SFSWAP: variants seen among roughly 807,000 people sequenced by gnomAD.
SFSWAP encodes splicing factor, suppressor of white-apricot homolog.
Under a neutral mutation model 100.7 loss-of-function variants are expected in SFSWAP, and 17 were observed. The observed-to-expected ratio is 0.17, with a 90% CI of 0.12 to 0.25. SFSWAP has a LOEUF of 0.25. Ranked by LOEUF, SFSWAP falls within the 10% of genes least tolerant of loss-of-function variation. The pLI is 1.00. For synonymous variants in SFSWAP, 504 were observed against 510.1 expected (o/e 0.99, Z 0.16); for missense variants, 1,005 against 1,262.6 (o/e 0.80, Z 3.09).
At chr12:131,732,152 C>T (rs1003184935) in intron 7 of SFSWAP, among the ~76,000 whole-genome samples, 7 of 152,020 alleles carry the variant, frequency 4.6e-5, no homozygotes, top group South Asian at 2.1e-4. Context: ...TCAGGTGATC[C>T]GCCCACCTCA....
chr12:131,795,625 C>A (rs936027124), intron 15 of SFSWAP, among the ~76,000 whole-genome samples: 17 of 151,938 alleles, frequency 1.1e-4, no homozygotes, highest in African/African-American at 4.1e-4. Flanking sequence ...AGTCCGGAGG[C>A]CCTGATGAGG....
intron 11 of SFSWAP, among the ~76,000 whole-genome samples, chr12:131,761,198 T>C (rs902868097): frequency 6.6e-6 from 1 of 152,240 alleles, no homozygotes; most frequent in African/African-American, 2.4e-5. Flanking sequence ...GGAATTGCAA[T>C]TGATCTATTT....
intron 7 of SFSWAP, among the ~76,000 whole-genome samples, chr12:131,746,843 G>A (rs940695686): frequency 1.3e-5 from 2 of 152,176 alleles, no homozygotes; most frequent in Non-Finnish European, 2.9e-5. Flanking sequence ...GCTGGCTCAC[G>A]CCTATAATCC....
chr12:131,726,190 A>T (rs866016757), intron 5 of SFSWAP, among the ~76,000 whole-genome samples: 2 of 146,950 alleles, frequency 1.4e-5, no homozygotes, highest in African/African-American at 4.9e-5. Flanking sequence ...ACACACACAC[A>T]TCTTCCATTG....
rs1271965333 is a variant in SFSWAP at position 131,786,535 on chromosome 12, T to G, written c.2481T>G (p.Thr827=). 6.3e-7 allele frequency: 1 copy of G among 1,587,492 alleles called. No homozygotes were observed. Among genetic ancestry groups the G allele is most frequent in the Non-Finnish European group, 8.6e-7 (1 of 1,167,990 alleles). The change falls in exon 15 of 18, where the codon ACT becomes ACG. Residue 827 remains threonine (T), a synonymous_variant. Coordinates refer to ENST00000261674, the MANE Select transcript of SFSWAP (RefSeq NM_004592.4). ...GGAGGGAAGAGAGGAGTGTGCCCAC[T>G]GCCTACCGCGTGAGCCGCAGCCCTG... ...ERRREERSVP[T]AYRVSRSPGA...
At chr12:131,785,257 T>A (rs763060620) in intron 14 of SFSWAP, 17 of 1,520,002 alleles carry the variant, frequency 1.1e-5, no homozygotes, top group Non-Finnish European at 1.5e-5. Context: ...CTTTATCATC[T>A]GTTCTGTAAA....
chr12:131,754,525 G>A (rs1449389209), intron 9 of SFSWAP, 26 bp downstream of exon 9: 4 of 1,458,536 alleles, frequency 2.7e-6, no homozygotes, highest in African/African-American at 1.4e-5. Flanking sequence ...TTATATGTTA[G>A]GTATATGGCA....
Position 131,740,966 on chromosome 12 carries a change from C to CTTTTTTTTTTTTTTTTTTTTTT in SFSWAP, c.1082-12154_1082-12133dup, listed in dbSNP as rs60047663. 5.3e-4 allele frequency among the ~76,000 whole-genome samples: 37 copies of CTTTTTTTTTTTTTTTTTTTTTT among 70,144 alleles called. 1 individual carries two copies. Among genetic ancestry groups the CTTTTTTTTTTTTTTTTTTTTTT allele is most frequent in the East Asian group, 1.0e-3 (2 of 1,970 alleles). The allele number at this position is 70,144 out of a possible 152,430, so 46.0% of individuals were successfully genotyped here. On this transcript the variant is annotated intron_variant, in intron 7 of 17. Coordinates refer to ENST00000261674, the MANE Select transcript of SFSWAP (RefSeq NM_004592.4). ...TCATTTCTTTTTTTTTCTTTTTTTTCTTTTTTTTTTTTTTTTTTTTTTTTG... is the reference window on the plus strand; with the variant it reads ...TCATTTCTTTTTTTTTCTTTTTTTTCTTTTTTTTTTTTTTTTTTTTTTTTTTTTTTTTTTTTTTTTTTTTTTG...
chr12:131,771,756 G>A (rs1328552566), intron 13 of SFSWAP, among the ~76,000 whole-genome samples: 1 of 149,770 alleles, frequency 6.7e-6, no homozygotes, highest in Non-Finnish European at 1.5e-5. Flanking sequence ...TCTGCCTCCC[G>A]GGTTCAAGTG....
intron 7 of SFSWAP, 139 bp downstream of exon 7, chr12:131,728,567 C>T: frequency 1.1e-6 from 1 of 907,372 alleles, no homozygotes; most frequent in South Asian, 1.8e-5. Flanking sequence ...GCACATGGTC[C>T]CAAGGGAGAG....
At chr12:131,720,437 G>T (rs1395424198) in intron 4 of SFSWAP, among the ~76,000 whole-genome samples, 2 of 152,202 alleles carry the variant, frequency 1.3e-5, no homozygotes, top group African/African-American at 4.8e-5. Context: ...TTACTGGGAA[G>T]GTTGAAAATC....
In SFSWAP at chr12:131,711,092, T is replaced by G; in HGVS notation, c.-138T>G. ...CTGCCGGAAGCTGCCCCTCCACCAT[T>G]TTGTGGCCCGCTATGGCGGCGGTGT... On this transcript the variant is annotated 5_prime_UTR_variant, in exon 1 of 18. In the 5' UTR this introduces an upstream ATG that the reference lacks. Transcript: ENST00000261674. This position sits in a 1 kb window ranked among gnomAD's most constrained non-coding sequence, Gnocchi z 4.9. 1.2e-5 allele frequency: 8 copies of G among 688,826 alleles called. No individual in the cohort carries two copies. Among genetic ancestry groups the G allele is most frequent in the Non-Finnish European group, 1.7e-5 (7 of 422,296 alleles). 42.7% of individuals were successfully genotyped at this position (688,826 alleles called of 1,614,324 possible). A position where few individuals can be genotyped will look rare whatever the true frequency, so the allele number is the denominator to read the frequency against.
At chr12:131,765,073 A>G (rs1483511534) in intron 12 of SFSWAP, among the ~76,000 whole-genome samples, 1 of 152,140 alleles carries the variant, frequency 6.6e-6, no homozygotes, top group African/African-American at 2.4e-5. Flanking sequence ...GAGGCTGCCT[A>G]CCCACAGAAC....
intron 12 of SFSWAP, among the ~76,000 whole-genome samples, chr12:131,765,014 T>G (rs1410091914): frequency 6.6e-6 from 1 of 152,216 alleles, no homozygotes; most frequent in African/African-American, 2.4e-5. Context: ...GGTAAAAGGC[T>G]CAGCCTGTCT....
chr12:131,715,233 A>G (rs1195416222), intron 3 of SFSWAP, among the ~76,000 whole-genome samples: 1 of 152,206 alleles, frequency 6.6e-6, no homozygotes, highest in Admixed American at 6.5e-5. Context: ...GATTGGTAAC[A>G]TGTTCATTAA....
At chr12:131,786,736 G>T (rs2136271796) in intron 15 of SFSWAP, 148 bp downstream of exon 15, 2 of 811,006 alleles carry the variant, frequency 2.5e-6, no homozygotes, top group South Asian at 1.8e-5. Context: ...ACCCCCAGTG[G>T]CATGGCCATC....
At position 131,733,999 on chromosome 12, in the gene SFSWAP, G is replaced by T. The variant is rs539287450; in HGVS notation, c.1081+5571G>T. On this transcript the variant is annotated intron_variant, in intron 7 of 17. Transcript: ENST00000261674. This position sits in a 1 kb window ranked among gnomAD's most constrained non-coding sequence, Gnocchi z 5.1. ...ACACATGGGAGCAGGTCAGTGCCCT[G>T]TGTGTGGCTTGCCACCATCATTTGG... is the stretch of plus-strand genomic sequence containing the variant. 6.6e-6 allele frequency among the ~76,000 whole-genome samples: 1 copy of T among 152,362 alleles called. No homozygotes were observed. The highest frequency in any genetic ancestry group is 2.4e-5 in the African/African-American group (1 of 41,594).
At chr12:131,732,701 A>AT (rs1363629181) in intron 7 of SFSWAP, among the ~76,000 whole-genome samples, 2 of 152,064 alleles carry the variant, frequency 1.3e-5, no homozygotes. Context: ...CTAATGTGTG[A>AT]TTTTCCATGC....
intron 12 of SFSWAP, among the ~76,000 whole-genome samples, chr12:131,765,159 C>T (rs1269613871): frequency 6.6e-6 from 1 of 152,238 alleles, no homozygotes; most frequent in East Asian, 1.9e-4. Context: ...GCAGTGTGGC[C>T]ACCACACCCA....
Sources: gnomAD v4.1 joint callset for allele counts (sites outside exome capture counted in the v4.1 genomes callset) on GRCh38, gnomAD v4.1.1 for gene constraint, Gnocchi (gnomAD v3.1) non-coding constraint, MANE v1.5 for transcripts, NCBI Gene and HGNC (gene_info 2026-07-23, HGNC 2026-07-21) for gene names.